DOK6: variants seen among roughly 807,000 people sequenced by gnomAD.
DOK6 encodes the protein downstream of tyrosine kinase 6.
A neutral mutation model predicts 44.0 loss-of-function variants in DOK6; 22 were observed. The observed-to-expected ratio is 0.50, with a 90% CI of 0.36 to 0.71. DOK6 has a LOEUF of 0.71. Among genes scored for constraint, DOK6 ranks in the 30% least tolerant of loss-of-function variants. The pLI is 0.00. For missense variants in DOK6, 340 were observed against 416.4 expected, an observed-to-expected ratio of 0.82 and a Z score of 1.60; for synonymous variants, 166 against 145.5, an observed-to-expected ratio of 1.14 and a Z score of -1.01.
At chr18:69,466,172 G>A (rs74808806) in intron 1 of DOK6, among the ~76,000 whole-genome samples, 11,743 of 151,830 alleles carry the variant, frequency 0.077, 521 homozygotes, top group Middle Eastern at 0.13. Context: ...CTATTCCTCC[G>A]CCCCTCCCTC....
chr18:69,511,867 G>T (rs1418126593), intron 1 of DOK6, among the ~76,000 whole-genome samples: 1 of 152,092 alleles, frequency 6.6e-6, no homozygotes, highest in Non-Finnish European at 1.5e-5. Flanking sequence ...GTATTCATTA[G>T]ACTAAAACCA....
intron 3 of DOK6, among the ~76,000 whole-genome samples, chr18:69,654,987 G>A (rs139415569): frequency 5.3e-5 from 8 of 152,336 alleles, no homozygotes; most frequent in East Asian, 1.9e-4. Context: ...AAGTCTGGGA[G>A]GTTGAGGCTA....
At chr18:69,575,418 C>G (rs560561756) in intron 2 of DOK6, among the ~76,000 whole-genome samples, 43 of 151,966 alleles carry the variant, frequency 2.8e-4, no homozygotes, top group Non-Finnish European at 4.9e-4. Context: ...ATATCAAAGC[C>G]CATGTGCAAA....
chr18:69,838,380 G>T (rs940374024), intron 7 of DOK6, among the ~76,000 whole-genome samples: 1 of 152,080 alleles, frequency 6.6e-6, no homozygotes, highest in Non-Finnish European at 1.5e-5. Flanking sequence ...GGTAAGATGA[G>T]ACAAAATCAT....
intron 3 of DOK6, among the ~76,000 whole-genome samples, chr18:69,622,553 C>T (rs1184762340): frequency 1.3e-5 from 2 of 152,134 alleles, no homozygotes; most frequent in Non-Finnish European, 2.9e-5. Flanking sequence ...TTTAAATGTA[C>T]TACTTCTAAG....
chr18:69,699,578 C>T (rs953765092), intron 5 of DOK6, among the ~76,000 whole-genome samples: 2 of 152,144 alleles, frequency 1.3e-5, no homozygotes, highest in African/African-American at 4.8e-5. Context: ...CTCTGAAAAG[C>T]ATTAGATCCT....
intron 3 of DOK6, among the ~76,000 whole-genome samples, chr18:69,614,728 A>C (rs1005135167): frequency 2.0e-5 from 3 of 151,992 alleles, no homozygotes; most frequent in Non-Finnish European, 2.9e-5. Flanking sequence ...CCATACTTAG[A>C]CATAGGTGAA....
At chr18:69,568,390 C>T (rs1983036676) in intron 2 of DOK6, among the ~76,000 whole-genome samples, 1 of 152,186 alleles carries the variant, frequency 6.6e-6, no homozygotes, top group South Asian at 2.1e-4. Flanking sequence ...CATCCATTTA[C>T]CTTACACTGG....
chr18:69,480,832 T>C (rs1980397320), intron 1 of DOK6, among the ~76,000 whole-genome samples: 1 of 152,084 alleles, frequency 6.6e-6, no homozygotes, highest in South Asian at 2.1e-4. Flanking sequence ...TAGGACAGGT[T>C]TTACTTTTCG....
chr18:69,635,276 C>G (rs1202399585), intron 3 of DOK6, among the ~76,000 whole-genome samples: 1 of 151,576 alleles, frequency 6.6e-6, no homozygotes, highest in East Asian at 1.9e-4. Context: ...CGATATTTTT[C>G]TCTTTTTTTC....
intron 3 of DOK6, among the ~76,000 whole-genome samples, chr18:69,648,237 T>A (rs981187866): frequency 6.6e-6 from 1 of 152,316 alleles, no homozygotes; most frequent in East Asian, 1.9e-4. Flanking sequence ...TAAAAAGAAA[T>A]CAATTCAAAA....
intron 1 of DOK6, among the ~76,000 whole-genome samples, chr18:69,410,629 G>A (rs778821783): frequency 3.3e-5 from 5 of 152,272 alleles, no homozygotes; most frequent in Middle Eastern, 3.4e-3. Flanking sequence ...ACAATGTAAC[G>A]AACGTGAGTA....
Position 69,758,148 on chromosome 18 carries a change from A to G in DOK6, c.856+275A>G, listed in dbSNP as rs184514551. 2.6e-4 allele frequency among the ~76,000 whole-genome samples: 40 copies of G among 152,366 alleles called. No individual in the cohort carries two copies. In the East Asian group the frequency reaches 4.0e-3, roughly 15 times the overall value. ...ACTAAAACATTATACCAAGCACATTATCAGAAGCTAAAAGCTAATGCTGAG... is the reference window on the plus strand; with the variant it reads ...ACTAAAACATTATACCAAGCACATTGTCAGAAGCTAAAAGCTAATGCTGAG... On this transcript the variant is annotated intron_variant, in intron 7 of 7. Transcript: ENST00000382713.
chr18:69,694,038 G>T (rs1034637756), intron 4 of DOK6, among the ~76,000 whole-genome samples: 1 of 119,732 alleles, frequency 8.4e-6, no homozygotes, highest in Non-Finnish European at 1.6e-5. Context: ...CAGCCTGGGC[G>T]ACAGAGCGAG....
intron 2 of DOK6, among the ~76,000 whole-genome samples, chr18:69,585,553 A>T (rs1015474276): frequency 6.6e-6 from 1 of 152,210 alleles, no homozygotes; most frequent in Non-Finnish European, 1.5e-5. Context: ...TTTGCTTATG[A>T]GAGTGATAGG....
chr18:69,423,500 G>A (rs1434846665), intron 1 of DOK6, among the ~76,000 whole-genome samples: 1 of 152,128 alleles, frequency 6.6e-6, no homozygotes, highest in Non-Finnish European at 1.5e-5. Context: ...TTAATAGACA[G>A]TATCAGGTAT....
intron 7 of DOK6, among the ~76,000 whole-genome samples, chr18:69,777,067 C>A (rs1011733903): frequency 1.3e-5 from 2 of 150,790 alleles, no homozygotes; most frequent in African/African-American, 4.9e-5. Context: ...GGGTGCAGCA[C>A]ACCAGCATGG....
intron 3 of DOK6, among the ~76,000 whole-genome samples, chr18:69,640,412 C>A (rs1984912025): frequency 6.6e-6 from 1 of 152,168 alleles, no homozygotes; most frequent in South Asian, 2.1e-4. Context: ...GAAAGATGTA[C>A]CCTTTGCCAC....
chr18:69,456,830 A>C (rs1438358822), intron 1 of DOK6, among the ~76,000 whole-genome samples: 1 of 152,120 alleles, frequency 6.6e-6, no homozygotes, highest in Non-Finnish European at 1.5e-5. Flanking sequence ...TTGACTTCTT[A>C]ATAATAGCCA....
Sources: gnomAD v4.1 joint callset for allele counts (sites outside exome capture counted in the v4.1 genomes callset) on GRCh38, gnomAD v4.1.1 for gene constraint, MANE v1.5 for transcripts, NCBI Gene and HGNC (gene_info 2026-07-23, HGNC 2026-07-21) for gene names.